Variants in RAP1GAP2 observed in about 807,000 individuals in gnomAD.
RAP1GAP2 encodes rap1 GTPase-activating protein 2.
Under a neutral mutation model 95.0 loss-of-function variants are expected in RAP1GAP2, and 27 were observed. That is an observed-to-expected ratio of 0.28 (90% CI 0.21 to 0.39). The LOEUF (loss-of-function observed/expected upper bound fraction) is 0.39, where lower values mean the gene tolerates loss of function less well. Ranked by LOEUF, RAP1GAP2 falls within the 10% of genes least tolerant of loss-of-function variation. The pLI is 1.00. For synonymous variants in RAP1GAP2, 373 were observed against 380.9 expected, an observed-to-expected ratio of 0.98 and a Z score of 0.24; for missense variants, 771 against 970.0, an observed-to-expected ratio of 0.79 and a Z score of 2.72.
intron 2 of RAP1GAP2, among the ~76,000 whole-genome samples, chr17:2,897,182 C>CA (rs2041861460): frequency 1.3e-5 from 2 of 151,978 alleles, no homozygotes; most frequent in East Asian, 2.0e-4. Context: ...AATAAAAATA[C>CA]AAAAAATTGT....
intron 2 of RAP1GAP2, among the ~76,000 whole-genome samples, chr17:2,831,864 C>T (rs2070868208): frequency 6.6e-6 from 1 of 152,044 alleles, no homozygotes; most frequent in Non-Finnish European, 1.5e-5. Flanking sequence ...CATTGCAATC[C>T]AGGCTGGGTG....
Position 3,005,298 on chromosome 17 carries a change from G to T in RAP1GAP2, c.1201-71G>T. On this transcript the variant is annotated intron_variant, in intron 14 of 24. Transcript: ENST00000254695. This position sits in a 1 kb window ranked among gnomAD's most constrained non-coding sequence, Gnocchi z 5.2. ...GGGAGAAGGTGAGTAGCTTTGTAAG[G>T]AGCGTGGCTCCCGTAGGGGCAGCGC... is the stretch of plus-strand genomic sequence containing the variant. 2 of 1,416,200 alleles carry T rather than the reference G, an allele frequency of 1.4e-6. No homozygotes were observed. Among genetic ancestry groups the T allele is most frequent in the South Asian group, 1.1e-5 (1 of 87,194 alleles). The allele number at this position is 1,416,200 out of a possible 1,614,324, so 87.7% of individuals were successfully genotyped here.
At position 2,906,613 on chromosome 17, in the gene RAP1GAP2, C is replaced by T. The variant is rs910953270; in HGVS notation, c.165+1245C>T. Among the ~76,000 whole-genome samples, 3 of 151,840 alleles carry T rather than the reference C, an allele frequency of 2.0e-5. No individual in the cohort carries two copies. Among genetic ancestry groups the T allele is most frequent in the Admixed American group, 6.6e-5 (1 of 15,246 alleles). On this transcript the variant is annotated intron_variant, in intron 3 of 24. Coordinates refer to ENST00000254695, the MANE Select transcript of RAP1GAP2 (RefSeq NM_015085.5). The surrounding 1 kb of genome is among the most constrained non-coding windows in gnomAD (Gnocchi z 4.3). ...CCCAGCTCAGTGTTGGTATCTGAGC[C>T]GGGTGCTGGGCCAGCTCTTTGCACA... is the stretch of plus-strand genomic sequence containing the variant.
rs533456682 is a variant in RAP1GAP2 at position 3,014,675 on chromosome 17, G to A, written c.1495-3386G>A. On this transcript the variant is annotated intron_variant, in intron 17 of 24. Transcript: ENST00000254695. ...AGCAATTCTTCTGCCTCAGCCTGCC[G>A]AGTAGCTGGGATTATAGGCACACAC... 3.4e-4 allele frequency among the ~76,000 whole-genome samples: 51 copies of A among 151,730 alleles called. No homozygotes were observed. The South Asian group carries it at 5.6e-3, about 17-fold the overall frequency.
At position 2,827,028 on chromosome 17, in the gene RAP1GAP2, A is replaced by C. The variant is rs1189844363; in HGVS notation, c.80+26478A>C. On this transcript the variant is annotated intron_variant, in intron 2 of 24. Transcript: ENST00000254695. This position sits in a 1 kb window ranked among gnomAD's most constrained non-coding sequence, Gnocchi z 4.1. The stretch of plus-strand genomic sequence containing the variant: ...TCGAGAGAGAGAGAGGAGAGAAAGA[A>C]AGAAAGAGAGAGAGAAAGAAAGAAA... Among the ~76,000 whole-genome samples the C allele has an allele frequency of 6.8e-6, 1 of 146,236 alleles. No homozygotes were observed. Among genetic ancestry groups the C allele is most frequent in the African/African-American group, 2.8e-5 (1 of 35,816 alleles).
intron 2 of RAP1GAP2, among the ~76,000 whole-genome samples, chr17:2,853,014 G>C (rs11653358): frequency 0.14 from 20,989 of 151,898 alleles, 1,956 homozygotes; most frequent in East Asian, 0.29. Context: ...CGGAGTGGGG[G>C]GCGCCCGGCC....
chr17:2,917,778 C>T (rs567851964), intron 3 of RAP1GAP2, among the ~76,000 whole-genome samples: 1 of 152,156 alleles, frequency 6.6e-6, no homozygotes, highest in South Asian at 2.1e-4. Flanking sequence ...TACAATGGCA[C>T]GATCTTGGCT....
upstream of RAP1GAP2, among the ~76,000 whole-genome samples, chr17:2,794,088 T>TC (rs1477827153): frequency 2.1e-5 from 2 of 96,498 alleles, no homozygotes; most frequent in Admixed American, 1.1e-4. Flanking sequence ...GCGAGACTCT[T>TC]CAAAAAAAAA....
intron 2 of RAP1GAP2, among the ~76,000 whole-genome samples, chr17:2,878,986 G>T (rs968730229): frequency 2.6e-5 from 4 of 152,176 alleles, no homozygotes; most frequent in Non-Finnish European, 5.9e-5. Context: ...GGAGGCCGGC[G>T]CTGGCCAGTG....
intron 1 of RAP1GAP2, among the ~76,000 whole-genome samples, chr17:2,756,847 G>T (rs1597255978): frequency 6.6e-6 from 1 of 152,288 alleles, no homozygotes; most frequent in East Asian, 1.9e-4. Context: ...GGGTCAGAGA[G>T]GGAAAAGGAT....
At chr17:2,975,091 G>A (rs991809060) in intron 8 of RAP1GAP2, among the ~76,000 whole-genome samples, 6 of 152,128 alleles carry the variant, frequency 3.9e-5, no homozygotes, top group African/African-American at 9.7e-5. Flanking sequence ...TTAGCTGGGC[G>A]TAGTGGCATG....
intron 1 of RAP1GAP2, among the ~76,000 whole-genome samples, chr17:2,785,914 T>TTC (rs1361264991): frequency 6.6e-6 from 1 of 150,760 alleles, no homozygotes; most frequent in African/African-American, 2.4e-5. Context: ...TTTTTTTTTT[T>TTC]TTTTTAGACA....
chr17:3,011,682 C>T (rs1269402284), intron 17 of RAP1GAP2, among the ~76,000 whole-genome samples: 1 of 135,480 alleles, frequency 7.4e-6, no homozygotes, highest in East Asian at 2.3e-4. Flanking sequence ...TGCAGTGGTG[C>T]GACCTCGGCT....
At chr17:2,947,046 T>C (rs943099337) in intron 3 of RAP1GAP2, among the ~76,000 whole-genome samples, 1 of 152,312 alleles carries the variant, frequency 6.6e-6, no homozygotes, top group East Asian at 1.9e-4. Context: ...TGAGCCACCG[T>C]GCCCGGCCGG....
intron 2 of RAP1GAP2, among the ~76,000 whole-genome samples, chr17:2,809,066 A>C (rs983387185): frequency 2.0e-5 from 3 of 152,066 alleles, no homozygotes; most frequent in Non-Finnish European, 4.4e-5. Context: ...TGGAGGTACC[A>C]TTTGCCAGGC....
At chr17:2,895,711 G>A (rs1222008158) in intron 2 of RAP1GAP2, among the ~76,000 whole-genome samples, 3 of 152,040 alleles carry the variant, frequency 2.0e-5, no homozygotes, top group Non-Finnish European at 2.9e-5. Flanking sequence ...CGAGTAGCTG[G>A]GATTACAGGC....
At chr17:2,938,431 T>C (rs2043371777) in intron 3 of RAP1GAP2, among the ~76,000 whole-genome samples, 1 of 152,208 alleles carries the variant, frequency 6.6e-6, no homozygotes, top group East Asian at 1.9e-4. Context: ...TGGATGGGTA[T>C]GGAGCGTGAC....
At position 3,027,896 on chromosome 17, in the gene RAP1GAP2, G is replaced by A. The variant is rs1405205287; in HGVS notation, c.2107+826G>A. On this transcript the variant is annotated intron_variant, in intron 22 of 24. Coordinates refer to ENST00000254695, the MANE Select transcript of RAP1GAP2 (RefSeq NM_015085.5). The surrounding 1 kb of genome is among the most constrained non-coding windows in gnomAD (Gnocchi z 5.2). The stretch of plus-strand genomic sequence containing the variant: ...TAGCAGGGGTTCAGAGAGAGCAGGA[G>A]TCTGGGCGTTTTGGGGTTCTGTGAT... 6.6e-6 allele frequency among the ~76,000 whole-genome samples: 1 copy of A among 152,058 alleles called. No individual in the cohort carries two copies.
At chr17:2,911,651 G>C (rs1242809387) in intron 3 of RAP1GAP2, among the ~76,000 whole-genome samples, 1 of 150,774 alleles carries the variant, frequency 6.6e-6, no homozygotes, top group Non-Finnish European at 1.5e-5. Flanking sequence ...TGGCTTCTCA[G>C]TGGGGAGGAG....
Sources: allele counts gnomAD v4.1 joint callset (sites outside exome capture counted in the v4.1 genomes callset), GRCh38; gene constraint gnomAD v4.1.1; non-coding constraint Gnocchi (gnomAD v3.1); transcripts MANE v1.5; gene names NCBI Gene and HGNC (gene_info 2026-07-23, HGNC 2026-07-21).